Variants in PKD1L1 observed in about 807,000 individuals in gnomAD.
PKD1L1 encodes the protein polycystin-1-like protein 1.
Under a neutral mutation model 323.4 loss-of-function variants are expected in PKD1L1, and 236 were observed. That is an observed-to-expected ratio of 0.73 (90% CI 0.66 to 0.81). The LOEUF is 0.81. Among genes scored for constraint, PKD1L1 ranks in the 40% least tolerant of loss-of-function variants. The pLI is 0.00. For synonymous variants in PKD1L1, 1,344 were observed against 1,335.0 expected (o/e 1.01, Z -0.15); for missense variants, 3,320 against 3,508.0 (o/e 0.95, Z 1.35).
intron 15 of PKD1L1, among the ~76,000 whole-genome samples, chr7:47,892,323 G>T (rs1187328877): frequency 6.6e-6 from 1 of 152,178 alleles, no homozygotes; most frequent in Non-Finnish European, 1.5e-5. Context: ...AGCTGAGAGA[G>T]ATGCAAGCTG....
chr7:47,892,178 G>C (rs976155742), intron 15 of PKD1L1, among the ~76,000 whole-genome samples: 2 of 152,188 alleles, frequency 1.3e-5, no homozygotes, highest in African/African-American at 4.8e-5. Context: ...CATCAAATCA[G>C]GGTAGGATCT....
intron 53 of PKD1L1, 25 bp from the exon 54 acceptor site, chr7:47,800,904 A>C: frequency 6.3e-7 from 1 of 1,595,058 alleles, no homozygotes; most frequent in African/African-American, 1.3e-5. Context: ...TCCAGAGAGC[A>C]CTGACCTTGT....
At chr7:47,908,394 G>T in intron 8 of PKD1L1, 144 bp from the exon 9 acceptor site, 1 of 794,324 alleles carries the variant, frequency 1.3e-6, no homozygotes, top group Non-Finnish European at 2.0e-6. Flanking sequence ...GTAGCAGCAG[G>T]GCCATTTCAT....
rs370832937 is a variant in PKD1L1, at chr7:47,833,171, G to C, written c.6256C>G (p.Pro2086Ala). The C allele has an allele frequency of 6.2e-7, 1 of 1,612,814 alleles. No homozygotes were observed. Among genetic ancestry groups the C allele is most frequent in the African/African-American group, 1.3e-5 (1 of 74,924 alleles). Reference sequence around the variant, plus strand: ...TCAGCCCCATGAACCTGCAGCTTAGGGGCTGGACAAGCTGTGCCATTGTCA... The same window carrying C: ...TCAGCCCCATGAACCTGCAGCTTAGCGGCTGGACAAGCTGTGCCATTGTCA... ...ASDNGTACPA[P>A]KLQVHGADHS... The change falls in exon 41 of 57, where the codon CCT (proline) becomes GCT (alanine). Residue 2086 changes from proline to alanine, a missense_variant. By Grantham distance (27) the Pro-to-Ala change is conservative. Transcript: ENST00000289672.
intron 19 of PKD1L1, among the ~76,000 whole-genome samples, chr7:47,882,373 A>G (rs1286516661): frequency 6.6e-6 from 1 of 151,290 alleles, no homozygotes; most frequent in East Asian, 1.9e-4. Flanking sequence ...ACTACTCTAG[A>G]AATAGGAGAC....
intron 11 of PKD1L1, among the ~76,000 whole-genome samples, chr7:47,904,917 C>T (rs1178525785): frequency 6.6e-6 from 1 of 152,080 alleles, no homozygotes; most frequent in Non-Finnish European, 1.5e-5. Context: ...AGATAGAATT[C>T]GAACCTAGGA....
chr7:47,834,815 A>G, intron 39 of PKD1L1, 152 bp downstream of exon 39: 1 of 649,406 alleles, frequency 1.5e-6, no homozygotes. Flanking sequence ...GACAGAAAAT[A>G]AAATGACTTT....
At chr7:47,908,856 G>T (rs899860233) in intron 8 of PKD1L1, among the ~76,000 whole-genome samples, 6 of 152,156 alleles carry the variant, frequency 3.9e-5, no homozygotes, top group African/African-American at 1.4e-4. Flanking sequence ...TCTCTTTCTT[G>T]TCTTGGGACC....
chr7:47,943,405 A>G lies in PKD1L1; in HGVS notation c.151T>C (p.Leu51=), dbSNP rs750656950. 1.9e-5 allele frequency: 31 copies of G among 1,612,804 alleles called. No homozygotes were observed. Among genetic ancestry groups the G allele is most frequent in the Middle Eastern group, 1.6e-4 (1 of 6,068 alleles). ...LCSCSPPGGG[L]WVEVYANHVL... ...TTCCCCAAGGCCTTACCGACCCACA[A>G]TCCACCTCCAGGAGGGCTACAGCTG... The change falls in exon 2 of 57, where the codon TTG becomes CTG. Residue 51 remains leucine (L), a synonymous_variant. Coordinates refer to ENST00000289672, the MANE Select transcript of PKD1L1 (RefSeq NM_138295.5).
chr7:47,819,060 T>C (rs1237123981), intron 46 of PKD1L1, among the ~76,000 whole-genome samples: 1 of 152,190 alleles, frequency 6.6e-6, no homozygotes, highest in African/African-American at 2.4e-5. Flanking sequence ...AGCTTCTCTA[T>C]CTGGAATGCT....
chr7:47,865,321 G>A (rs186750386), intron 25 of PKD1L1, 49 bp from the exon 26 acceptor site: 2 of 1,517,774 alleles, frequency 1.3e-6, no homozygotes. Context: ...CAAGGAGAGG[G>A]AAATTAGCTT....
chr7:47,929,494 G>T lies in PKD1L1; in HGVS notation c.770C>A (p.Thr257Asn). The T allele has an allele frequency of 6.2e-7, 1 of 1,614,014 alleles. No individual in the cohort carries two copies. The highest frequency in any genetic ancestry group is 8.5e-7 in the Non-Finnish European group (1 of 1,179,926). ...SHGLPPGIPR[T>N]PSFTASQSGS... ...AGACTGCGATGCCGTGAAGCTGGGGGTGCGAGGAATGCCAGGCGGAAGGCC... is the reference window on the plus strand; with the variant it reads ...AGACTGCGATGCCGTGAAGCTGGGGTTGCGAGGAATGCCAGGCGGAAGGCC... The change falls in exon 7 of 57, where the codon ACC (threonine) becomes AAC (asparagine). Residue 257 changes from threonine (T) to asparagine (N), a missense_variant. Coordinates refer to ENST00000289672, the MANE Select transcript of PKD1L1 (RefSeq NM_138295.5).
the PKD1L1 span, among the ~76,000 whole-genome samples, chr7:47,960,167 G>A: frequency 2.1e-4 from 31 of 149,906 alleles, no homozygotes; most frequent in African/African-American, 7.1e-4. Flanking sequence ...GATGCTTGAA[G>A]GCAGCATGCT....
rs575495913 is a variant in PKD1L1, at chr7:47,807,314, A to G, written c.7827+933T>C. Reference sequence around the variant, plus strand: ...CTGGGGCACTGGTGGAGGAAGCAGAAGTGTAGAGGAAACGAGCCTCATCCT... The same window carrying G: ...CTGGGGCACTGGTGGAGGAAGCAGAGGTGTAGAGGAAACGAGCCTCATCCT... On this transcript the variant is annotated intron_variant, in intron 52 of 56. Transcript: ENST00000289672. Among the ~76,000 whole-genome samples, 37 of 152,238 alleles carry G rather than the reference A, an allele frequency of 2.4e-4. No homozygotes were observed. In the South Asian group the frequency reaches 7.3e-3, roughly 30 times the overall value.
chr7:47,783,636 G>T (rs770859020), intron 56 of PKD1L1, among the ~76,000 whole-genome samples: 14 of 152,040 alleles, frequency 9.2e-5, no homozygotes, highest in Non-Finnish European at 1.8e-4. Flanking sequence ...CACCCAGGGA[G>T]AATGCCCTGT....
At chr7:47,837,646 A>G (rs964818951) in intron 36 of PKD1L1, among the ~76,000 whole-genome samples, 4 of 152,070 alleles carry the variant, frequency 2.6e-5, no homozygotes, top group Non-Finnish European at 5.9e-5. Flanking sequence ...GTTAATTTCA[A>G]CTGGGCTTTG....
Position 47,813,981 on chromosome 7 carries a change from C to CTTTTCTCCG in PKD1L1, c.7122_7123insCGGAGAAAA (p.Ile2374_Gly2375insArgArgLys). The CTTTTCTCCG allele has an allele frequency of 6.2e-7, 1 of 1,614,046 alleles. No homozygotes were observed. Among genetic ancestry groups the CTTTTCTCCG allele is most frequent in the Non-Finnish European group, 8.5e-7 (1 of 1,180,024 alleles). On this transcript the variant is annotated inframe_insertion, in exon 48 of 57. Transcript: ENST00000289672. ...TTTAGCTGCCTAATTACGGAACTGC[C>CTTTTCTCCG]TATTAGGTAGCATTTTCCTCCAAGA...
Position 47,800,876 on chromosome 7 carries a change from C to T in PKD1L1, c.7966G>A (p.Val2656Met). 2 of 1,613,518 alleles carry T rather than the reference C, an allele frequency of 1.2e-6. No homozygotes were observed. The highest frequency in any genetic ancestry group is 1.7e-6 in the Non-Finnish European group (2 of 1,179,578). The change falls in exon 54 of 57, where the codon GTG becomes ATG. Residue 2656 changes from valine (V) to methionine (M), a missense_variant. Transcript: ENST00000289672. ...AGGGCGGCCAGCATCAGTGCCCCCA[C>T]CAGCTGCAGAAAGAAAATCCAGAGA... ...SLPSIFVAGL[V>M]GALMLAALSH...
At chr7:47,952,363 A>C (rs1788216341), upstream of PKD1L1, among the ~76,000 whole-genome samples, 1 of 152,162 alleles carries the variant, frequency 6.6e-6, no homozygotes, top group African/African-American at 2.4e-5. Context: ...ATCAGCATTC[A>C]AATCAGGGGT....
Sources: allele counts gnomAD v4.1 joint callset (sites outside exome capture counted in the v4.1 genomes callset), GRCh38; gene constraint gnomAD v4.1.1; transcripts MANE v1.5; gene names NCBI Gene and HGNC (gene_info 2026-07-23, HGNC 2026-07-21).